Variants in IGF1R observed in about 807,000 individuals in gnomAD.
IGF1R encodes insulin like growth factor 1 receptor, also known as insulin-like growth factor 1 receptor.
In IGF1R, 44 loss-of-function variants were observed where a neutral mutation model predicts 144.6. The ratio of observed to expected loss-of-function variants is 0.30; its 90% CI spans 0.24 to 0.39. The LOEUF (loss-of-function observed/expected upper bound fraction) is 0.39. IGF1R is among the 10% of genes least tolerant of loss of function. IGF1R has a pLI of 1.00. For missense variants in IGF1R, 1,355 were observed against 1,833.7 expected (o/e 0.74, Z 4.77); for synonymous variants, 795 against 722.8 (o/e 1.10, Z -1.60).
At chr15:98,693,700 G>T (rs1173536458) in intron 1 of IGF1R, among the ~76,000 whole-genome samples, 1 of 152,194 alleles carries the variant, frequency 6.6e-6, no homozygotes, top group Admixed American at 6.5e-5. Context: ...CTGCCTCCCG[G>T]GTTCAAGTGA....
At chr15:98,854,191 A>G (rs1199498806) in intron 2 of IGF1R, among the ~76,000 whole-genome samples, 1 of 152,198 alleles carries the variant, frequency 6.6e-6, no homozygotes, top group East Asian at 1.9e-4. Flanking sequence ...GGTTCTGGGC[A>G]TCATGACTCT....
chr15:98,957,918 A>C lies in IGF1R; in HGVS notation c.*476A>C. On this transcript the variant is annotated 3_prime_UTR_variant, in exon 21 of 21. Coordinates refer to ENST00000650285, the MANE Select transcript of IGF1R (RefSeq NM_000875.5). ...TGACACCGTGGGTCATTACAAAAAA[A>C]CACGTGGAGATGGAAATTTTTACCT... is the stretch of plus-strand genomic sequence containing the variant. The C allele has an allele frequency of 8.3e-6, 2 of 239,570 alleles. No homozygotes were observed. Among genetic ancestry groups the C allele is most frequent in the Non-Finnish European group, 1.6e-5 (2 of 122,232 alleles). 14.8% of individuals were successfully genotyped at this position (239,570 alleles called of 1,614,324 possible).
intron 5 of IGF1R, among the ~76,000 whole-genome samples, chr15:98,908,298 T>C (rs1450726511): frequency 6.6e-6 from 1 of 152,240 alleles, no homozygotes; most frequent in African/African-American, 2.4e-5. Context: ...GTGTACGCTG[T>C]TCCGATTGGG....
intron 2 of IGF1R, among the ~76,000 whole-genome samples, chr15:98,883,588 TGA>T (rs1353074313): frequency 2.6e-5 from 4 of 152,258 alleles, no homozygotes; most frequent in Middle Eastern, 3.4e-3. Context: ...GTAGTGTGTG[TGA>T]GAGGACAGAA....
At chr15:98,940,003 C>G (rs1296202304) in intron 18 of IGF1R, among the ~76,000 whole-genome samples, 1 of 152,222 alleles carries the variant, frequency 6.6e-6, no homozygotes, top group Non-Finnish European at 1.5e-5. Context: ...TGCCACCACC[C>G]ACTGTCACAC....
At chr15:98,819,461 G>T (rs113391215) in intron 2 of IGF1R, among the ~76,000 whole-genome samples, 5 of 152,134 alleles carry the variant, frequency 3.3e-5, no homozygotes, top group African/African-American at 4.8e-5. Context: ...AAAGAGAGCT[G>T]CTTTGCCTCT....
chr15:98,736,017 A>G (rs1055738201), intron 2 of IGF1R, among the ~76,000 whole-genome samples: 56 of 152,236 alleles, frequency 3.7e-4, no homozygotes, highest in African/African-American at 1.3e-3. Flanking sequence ...TTTCCTGTAC[A>G]GTACTGCCCT....
chr15:98,754,669 C>T (rs1293019762), intron 2 of IGF1R, among the ~76,000 whole-genome samples: 1 of 152,164 alleles, frequency 6.6e-6, no homozygotes, highest in Non-Finnish European at 1.5e-5. Context: ...TTGGTTCCTT[C>T]TTTCTGTCTT....
intron 2 of IGF1R, among the ~76,000 whole-genome samples, chr15:98,874,538 G>A (rs1230351305): frequency 6.6e-6 from 1 of 152,174 alleles, no homozygotes; most frequent in African/African-American, 2.4e-5. Flanking sequence ...TGGGGACATC[G>A]TGATGTGACA....
chr15:98,899,580 A>G lies in IGF1R; in HGVS notation c.1206A>G (p.Leu402=). ...HSHALVSLSF[L]KNLRLILGEE... is the part of the protein sequence containing the mutation. ...ATGCCTTGGTCTCCTTGTCCTTCCT[A>G]AAAAACCTTCGCCTCATCCTAGGAG... The change falls in exon 5 of 21, where the codon CTA becomes CTG. Residue 402 remains leucine, a synonymous_variant. Transcript: ENST00000650285. 6.2e-7 allele frequency: 1 copy of G among 1,614,056 alleles called. No individual in the cohort carries two copies. The highest frequency in any genetic ancestry group is 8.5e-7 in the Non-Finnish European group (1 of 1,179,978).
At chr15:98,744,244 C>T (rs915350628) in intron 2 of IGF1R, among the ~76,000 whole-genome samples, 2 of 151,828 alleles carry the variant, frequency 1.3e-5, no homozygotes, top group East Asian at 1.9e-4. Flanking sequence ...TCCAGCACAG[C>T]GAGGAAAGCA....
At chr15:98,859,811 AAG>A (rs758116593) in intron 2 of IGF1R, among the ~76,000 whole-genome samples, 140 of 152,346 alleles carry the variant, frequency 9.2e-4, no homozygotes, top group Non-Finnish European at 1.6e-3. Flanking sequence ...AATAAAGAGA[AAG>A]AAATTCAGGA....
rs151097875 is a variant in IGF1R at position 98,961,937 on chromosome 15, T to C, written c.*4495T>C. ...TCGTAAAATAGAAGAGCAGTCACTG[T>C]GGAACTACCAAATGGCGAGATGCTC... On this transcript the variant is annotated 3_prime_UTR_variant, in exon 21 of 21. Transcript: ENST00000650285. 1.4e-4 allele frequency: 33 copies of C among 233,366 alleles called. No homozygotes were observed. The highest frequency in any genetic ancestry group is 7.0e-4 in the African/African-American group (32 of 45,494). 14.5% of individuals were successfully genotyped at this position (233,366 alleles called of 1,614,324 possible).
chr15:98,816,353 C>A (rs779220867), intron 2 of IGF1R, among the ~76,000 whole-genome samples: 1 of 152,232 alleles, frequency 6.6e-6, no homozygotes, highest in African/African-American at 2.4e-5. Context: ...CAGGAATCAT[C>A]ATTCATCGCA....
At position 98,908,484 on chromosome 15, in the gene IGF1R, A is replaced by G. The variant is rs150828367; in HGVS notation, c.1248-201A>G. On this transcript the variant is annotated intron_variant, in intron 5 of 20. Coordinates refer to ENST00000650285, the MANE Select transcript of IGF1R (RefSeq NM_000875.5). ...ATTAATTAGCATCTTACCGATTTTG[A>G]TATGTTATCCTTGAATCATGTTGCT... is the stretch of plus-strand genomic sequence containing the variant. Among the ~76,000 whole-genome samples, 727 of 152,286 alleles carry G rather than the reference A, an allele frequency of 4.8e-3. 6 individuals are homozygous for G. Among genetic ancestry groups the G allele is most frequent in the Non-Finnish European group, 8.4e-3 (569 of 68,012 alleles).
chr15:98,810,046 G>A (rs926922061), intron 2 of IGF1R, among the ~76,000 whole-genome samples: 1 of 151,694 alleles, frequency 6.6e-6, no homozygotes, highest in Non-Finnish European at 1.5e-5. Flanking sequence ...GAGCAATGCT[G>A]AACCACTTTG....
At chr15:98,927,724 TTC>T (rs1224699128) in intron 13 of IGF1R, among the ~76,000 whole-genome samples, 2 of 152,242 alleles carry the variant, frequency 1.3e-5, no homozygotes, top group African/African-American at 4.8e-5. Context: ...ATAAAAATAT[TTC>T]TTTCTTCGAT....
At chr15:98,710,587 CAT>C (rs372891063) in intron 2 of IGF1R, among the ~76,000 whole-genome samples, 1 of 151,822 alleles carries the variant, frequency 6.6e-6, no homozygotes, top group African/African-American at 2.4e-5. Context: ...ATGTTGATAA[CAT>C]GTTGAAATAT....
chr15:98,728,493 CCA>C (rs2141292380), intron 2 of IGF1R, among the ~76,000 whole-genome samples: 1 of 152,348 alleles, frequency 6.6e-6, no homozygotes, highest in East Asian at 1.9e-4. Context: ...ATTGCCAGCC[CCA>C]GTTTCAGGGT....
Sources: gnomAD v4.1 joint callset for allele counts (sites outside exome capture counted in the v4.1 genomes callset) on GRCh38, gnomAD v4.1.1 for gene constraint, MANE v1.5 for transcripts, NCBI Gene and HGNC (gene_info 2026-07-23, HGNC 2026-07-21) for gene names.